Variants in GRM8 observed in about 807,000 individuals in gnomAD.
GRM8 encodes the protein glutamate metabotropic receptor 8.
In GRM8, 47 loss-of-function variants were observed where a neutral mutation model predicts 87.2. The ratio of observed to expected loss-of-function variants is 0.54; its 90% CI spans 0.43 to 0.69. The LOEUF (loss-of-function observed/expected upper bound fraction) is 0.69, where lower values mean the gene tolerates loss of function less well. Among genes scored for constraint, GRM8 ranks in the 30% least tolerant of loss-of-function variants. GRM8 has a pLI of 0.00. For synonymous variants in GRM8, 396 were observed against 404.5 expected, an observed-to-expected ratio of 0.98 and a Z score of 0.25; for missense variants, 1,019 against 1,139.2, an observed-to-expected ratio of 0.89 and a Z score of 1.52.
At chr7:126,821,197 T>A (rs1386724815) in intron 6 of GRM8, among the ~76,000 whole-genome samples, 2 of 152,242 alleles carry the variant, frequency 1.3e-5, no homozygotes, top group Non-Finnish European at 2.9e-5. Context: ...TCAATATTTA[T>A]TTCACCATTT....
At chr7:126,644,404 A>T (rs1802809980) in intron 7 of GRM8, among the ~76,000 whole-genome samples, 1 of 152,176 alleles carries the variant, frequency 6.6e-6, no homozygotes, top group Non-Finnish European at 1.5e-5. Flanking sequence ...AGGCTTAAAT[A>T]TGTCTGATGC....
chr7:127,007,312 T>G (rs1031462279), intron 3 of GRM8, among the ~76,000 whole-genome samples: 7 of 152,024 alleles, frequency 4.6e-5, no homozygotes, highest in Non-Finnish European at 1.0e-4. Context: ...CATTCATCAC[T>G]CATGACTGTA....
chr7:126,956,518 G>A (rs1206160291), intron 3 of GRM8, among the ~76,000 whole-genome samples: 1 of 152,020 alleles, frequency 6.6e-6, no homozygotes, highest in Non-Finnish European at 1.5e-5. Context: ...AAGTTTTAGG[G>A]TACATGTGCA....
intron 9 of GRM8, among the ~76,000 whole-genome samples, chr7:126,456,519 TAAA>T (rs513): frequency 5.7e-5 from 4 of 69,696 alleles, no homozygotes; most frequent in African/African-American, 8.3e-5. Context: ...AGCAGCAAGC[TAAA>T]AAAAAAAAAA....
intron 7 of GRM8, among the ~76,000 whole-genome samples, chr7:126,755,380 T>C (rs1362582088): frequency 6.6e-6 from 1 of 152,100 alleles, no homozygotes; most frequent in East Asian, 1.9e-4. Context: ...ATTTAAATAC[T>C]ACCTGGAAAA....
chr7:126,723,426 G>A (rs1372609853), intron 7 of GRM8, among the ~76,000 whole-genome samples: 4 of 151,950 alleles, frequency 2.6e-5, no homozygotes, highest in Non-Finnish European at 4.4e-5. Context: ...ATAGAGGCCC[G>A]CAAACTGATC....
At chr7:127,233,789 G>C (rs1797833121) in intron 2 of GRM8, among the ~76,000 whole-genome samples, 1 of 152,190 alleles carries the variant, frequency 6.6e-6, no homozygotes, top group African/African-American at 2.4e-5. Context: ...CTATTAGCTT[G>C]CTGAGCCTAA....
intron 6 of GRM8, among the ~76,000 whole-genome samples, chr7:126,863,954 A>G (rs192653613): frequency 6.0e-4 from 88 of 147,770 alleles, no homozygotes; most frequent in Non-Finnish European, 6.0e-5. Flanking sequence ...CTGGTATATC[A>G]TTTTTCATTT....
At chr7:126,818,885 T>C (rs1004915119) in intron 6 of GRM8, among the ~76,000 whole-genome samples, 2 of 152,208 alleles carry the variant, frequency 1.3e-5, no homozygotes, top group Non-Finnish European at 2.9e-5. Context: ...ACTGGAGGCA[T>C]ACTTCAGTCT....
chr7:126,441,879 T>C (rs1801503496), intron 10 of GRM8, among the ~76,000 whole-genome samples: 1 of 152,114 alleles, frequency 6.6e-6, no homozygotes, highest in Non-Finnish European at 1.5e-5. Flanking sequence ...AGGCTAAAAA[T>C]AGTTGACATA....
intron 9 of GRM8, among the ~76,000 whole-genome samples, chr7:126,474,049 T>C (rs1805613493): frequency 6.6e-6 from 1 of 152,180 alleles, no homozygotes; most frequent in Non-Finnish European, 1.5e-5. Flanking sequence ...GTATCATTTT[T>C]ATATTCGTTT....
chr7:126,958,447 G>A (rs1157632028), intron 3 of GRM8, among the ~76,000 whole-genome samples: 1 of 152,284 alleles, frequency 6.6e-6, no homozygotes, highest in African/African-American at 2.4e-5. Context: ...AGCCGCTTGC[G>A]GTATGTCTGG....
chr7:127,245,821 G>A (rs17867322), intron 1 of GRM8, among the ~76,000 whole-genome samples: 8,381 of 152,184 alleles, frequency 0.055, 271 homozygotes, highest in Middle Eastern at 0.088. Flanking sequence ...CTGGAACACA[G>A]AATTAATTGC....
At chr7:126,884,519 A>G (rs1800311623) in intron 6 of GRM8, among the ~76,000 whole-genome samples, 1 of 152,180 alleles carries the variant, frequency 6.6e-6, no homozygotes, top group South Asian at 2.1e-4. Flanking sequence ...TGAAGATTTT[A>G]TGCACATATT....
chr7:127,217,474 G>A (rs181770716), intron 2 of GRM8, among the ~76,000 whole-genome samples: 1 of 152,310 alleles, frequency 6.6e-6, no homozygotes, highest in African/African-American at 2.4e-5. Context: ...CCTGAATTCA[G>A]GGAATCAGAA....
chr7:127,169,671 TC>T (rs750961695), intron 2 of GRM8, among the ~76,000 whole-genome samples: 2 of 152,244 alleles, frequency 1.3e-5, no homozygotes, highest in African/African-American at 2.4e-5. Context: ...GCAAGCTGAT[TC>T]TCTTATTAAG....
intron 2 of GRM8, among the ~76,000 whole-genome samples, chr7:127,172,346 A>G (rs1363798135): frequency 1.5e-4 from 23 of 152,188 alleles, no homozygotes; most frequent in Non-Finnish European, 8.8e-5. Flanking sequence ...TTTTATGTAC[A>G]TAACATTTTT....
chr7:127,201,285 A>G (rs1174778731), intron 2 of GRM8, among the ~76,000 whole-genome samples: 1 of 152,204 alleles, frequency 6.6e-6, no homozygotes, highest in Non-Finnish European at 1.5e-5. Context: ...GGTTACTGTA[A>G]GTAGTATTAT....
intron 2 of GRM8, among the ~76,000 whole-genome samples, chr7:127,234,063 G>A (rs1367930377): frequency 6.6e-6 from 1 of 152,174 alleles, no homozygotes; most frequent in Non-Finnish European, 1.5e-5. Context: ...TCCCACTGTG[G>A]GGAAGCAAGG....
Sources: gnomAD v4.1 joint callset for allele counts (sites outside exome capture counted in the v4.1 genomes callset) on GRCh38, gnomAD v4.1.1 for gene constraint, MANE v1.5 for transcripts, NCBI Gene and HGNC (gene_info 2026-07-23, HGNC 2026-07-21) for gene names.